Variants in DEK observed in about 807,000 individuals in gnomAD.
The protein encoded by DEK is protein DEK.
DEK carries 28 observed loss-of-function variants against 46.8 expected under a neutral mutation model. The observed-to-expected ratio is 0.60, with a 90% CI of 0.44 to 0.82. The LOEUF is 0.82. Ranked by LOEUF, DEK falls within the 40% of genes least tolerant of loss-of-function variation. The pLI is 0.00. For synonymous variants in DEK, 160 were observed against 144.5 expected (o/e 1.11, Z -0.77); for missense variants, 416 against 430.6 (o/e 0.97, Z 0.30).
At chr6:18,259,430 A>AAAAAAAAAAAAAAAAAAAAAAAAAT in intron 2 of DEK, among the ~76,000 whole-genome samples, 1 of 96,844 alleles carries the variant, frequency 1.0e-5, no homozygotes, top group Non-Finnish European at 2.4e-5. Flanking sequence ...AAAAAAAAAA[A>AAAAAAAAAAAAAAAAAAAAAAAAAT]AAATCTAGAA....
At chr6:18,250,265 C>G (rs530836050) in intron 6 of DEK, among the ~76,000 whole-genome samples, 1 of 152,162 alleles carries the variant, frequency 6.6e-6, no homozygotes, top group South Asian at 2.1e-4. Flanking sequence ...GTCAGGAGAT[C>G]GAGACCATCC....
At chr6:18,226,083 G>A in intron 10 of DEK, 91 bp downstream of exon 10, 1 of 1,015,406 alleles carries the variant, frequency 9.8e-7, no homozygotes, top group Non-Finnish European at 1.3e-6. Context: ...GATATTTAGT[G>A]ACATGAATAT....
intron 2 of DEK, among the ~76,000 whole-genome samples, chr6:18,263,447 G>C (rs969914837): frequency 1.3e-4 from 20 of 151,808 alleles, no homozygotes; most frequent in Non-Finnish European, 4.4e-5. Context: ...ACTTCAAAAG[G>C]CAAAAGATGT....
chr6:18,235,176 A>C (rs1790594758), intron 9 of DEK, among the ~76,000 whole-genome samples: 1 of 152,202 alleles, frequency 6.6e-6, no homozygotes, highest in African/African-American at 2.4e-5. Flanking sequence ...AAAAATAAAA[A>C]TATGATTGCG....
intron 9 of DEK, among the ~76,000 whole-genome samples, chr6:18,234,783 C>G (rs758722543): frequency 4.6e-5 from 7 of 152,150 alleles, no homozygotes; most frequent in Non-Finnish European, 1.0e-4. Flanking sequence ...ACCCCTACTA[C>G]CCATTAAAAA....
At chr6:18,241,356 A>C (rs1423700595) in intron 7 of DEK, among the ~76,000 whole-genome samples, 2 of 152,242 alleles carry the variant, frequency 1.3e-5, no homozygotes, top group Non-Finnish European at 2.9e-5. Flanking sequence ...TTAATTTTAC[A>C]TGAACTTTCA....
intron 9 of DEK, among the ~76,000 whole-genome samples, chr6:18,230,399 G>A (rs561786284): frequency 6.5e-4 from 99 of 152,134 alleles, no homozygotes; most frequent in Non-Finnish European, 7.5e-4. Flanking sequence ...AAATGTAAAT[G>A]GGCTAAATGC....
chr6:18,262,623 G>A (rs889912420), intron 2 of DEK, among the ~76,000 whole-genome samples: 7 of 152,040 alleles, frequency 4.6e-5, no homozygotes, highest in Non-Finnish European at 1.0e-4. Context: ...TTCCTGACAT[G>A]AAGAAAATTC....
chr6:18,232,531 T>G (rs1790455241), intron 9 of DEK, among the ~76,000 whole-genome samples: 1 of 152,148 alleles, frequency 6.6e-6, no homozygotes, highest in Non-Finnish European at 1.5e-5. Context: ...GGATACAAAA[T>G]CAATGTGCAA....
At chr6:18,262,138 C>T (rs1313529322) in intron 2 of DEK, among the ~76,000 whole-genome samples, 2 of 149,664 alleles carry the variant, frequency 1.3e-5, no homozygotes, top group Non-Finnish European at 2.9e-5. Flanking sequence ...AATGCCTGCT[C>T]CCCCTTTGTC....
intron 8 of DEK, 66 bp downstream of exon 8, chr6:18,237,315 C>T (rs1790696781): frequency 6.6e-7 from 1 of 1,514,668 alleles, no homozygotes; most frequent in South Asian, 1.3e-5. Context: ...CACTTAAATA[C>T]TATGTACAAC....
intron 5 of DEK, 114 bp downstream of exon 5, chr6:18,256,247 A>G (rs1388018660): frequency 6.5e-5 from 58 of 898,292 alleles, no homozygotes; most frequent in Admixed American, 4.4e-4. Flanking sequence ...TCAGCCTCCC[A>G]AAGTGCTGGG....
intron 6 of DEK, among the ~76,000 whole-genome samples, chr6:18,252,717 C>T (rs1791441314): frequency 6.6e-6 from 1 of 152,074 alleles, no homozygotes; most frequent in Non-Finnish European, 1.5e-5. Flanking sequence ...AAACTATTTT[C>T]ATAATAATAG....
At chr6:18,247,831 C>T (rs1186514072) in intron 7 of DEK, among the ~76,000 whole-genome samples, 1 of 151,996 alleles carries the variant, frequency 6.6e-6, no homozygotes, top group Non-Finnish European at 1.5e-5. Context: ...CACCACCACG[C>T]CCAGCTAATT....
intron 9 of DEK, among the ~76,000 whole-genome samples, chr6:18,232,302 C>T (rs956014866): frequency 1.3e-5 from 2 of 152,274 alleles, no homozygotes; most frequent in South Asian, 4.1e-4. Context: ...AAAACTGGCA[C>T]AAGACAGGGA....
rs1287563160 is a variant in DEK, at chr6:18,224,602, A to G, written c.*1117T>C. ...AGCCCCAACTCCAGAGAAACATTAAATTTCTTTAATGTAAAAGTATATTAT... is the reference window on the plus strand; with the variant it reads ...AGCCCCAACTCCAGAGAAACATTAAGTTTCTTTAATGTAAAAGTATATTAT... On this transcript the variant is annotated 3_prime_UTR_variant, in exon 11 of 11. Coordinates refer to ENST00000652689, the MANE Select transcript of DEK (RefSeq NM_003472.4). 9.8e-6 allele frequency: 2 copies of G among 203,400 alleles called. No homozygotes were observed. Among genetic ancestry groups the G allele is most frequent in the Admixed American group, 1.2e-4 (2 of 16,744 alleles). The allele number at this position is 203,400 out of a possible 1,614,324, so 12.6% of individuals were successfully genotyped here.
intron 9 of DEK, among the ~76,000 whole-genome samples, chr6:18,230,616 C>T (rs940335566): frequency 1.3e-5 from 2 of 152,082 alleles, no homozygotes; most frequent in African/African-American, 4.8e-5. Flanking sequence ...CAACAAAGAT[C>T]AAAAGAGACA....
intron 7 of DEK, 34 bp from the exon 8 acceptor site, chr6:18,237,550 A>G (rs201727868): frequency 6.5e-4 from 1,025 of 1,582,672 alleles, no homozygotes; most frequent in Non-Finnish European, 7.9e-4. Flanking sequence ...ACACATATTG[A>G]TGAGATTCAA....
intron 9 of DEK, among the ~76,000 whole-genome samples, chr6:18,227,310 G>A (rs1428397183): frequency 2.6e-5 from 4 of 152,150 alleles, no homozygotes; most frequent in African/African-American, 7.2e-5. Flanking sequence ...TGAGATAGGG[G>A]AAAAACGCCT....
Sources: gnomAD v4.1 joint callset for allele counts (sites outside exome capture counted in the v4.1 genomes callset) on GRCh38, gnomAD v4.1.1 for gene constraint, MANE v1.5 for transcripts, NCBI Gene and HGNC (gene_info 2026-07-23, HGNC 2026-07-21) for gene names.